Variants in FRMD3 observed in about 807,000 individuals in gnomAD.
FRMD3 encodes the protein FERM domain-containing protein 3.
Under a neutral mutation model 70.2 loss-of-function variants are expected in FRMD3, and 33 were observed. The ratio of observed to expected loss-of-function variants is 0.47; its 90% confidence interval spans 0.36 to 0.63. The LOEUF is 0.63. Among genes scored for constraint, FRMD3 ranks in the 20% least tolerant of loss-of-function variants. The probability of loss-of-function intolerance (pLI) is 0.00; values close to 1 mark genes in which losing one functional copy is unlikely to be tolerated. For missense variants in FRMD3, 632 were observed against 711.4 expected, an observed-to-expected ratio of 0.89 and a Z score of 1.27; for synonymous variants, 279 against 255.9, an observed-to-expected ratio of 1.09 and a Z score of -0.86.
chr9:83,349,833 C>G, intron 3 of FRMD3, 76 bp from the exon 4 acceptor site: 1 of 1,103,472 alleles, frequency 9.1e-7, no homozygotes, highest in South Asian at 1.3e-5. Context: ...GAAAGGCAGC[C>G]GTGCAGCCTG....
At chr9:83,551,465 G>T in the FRMD3 span, among the ~76,000 whole-genome samples, 2 of 152,178 alleles carry the variant, frequency 1.3e-5, no homozygotes, top group East Asian at 3.9e-4. Context: ...GCCAGGCTTT[G>T]ATATCAAAAT....
chr9:83,372,295 C>G (rs981556176), intron 3 of FRMD3, among the ~76,000 whole-genome samples: 1 of 150,768 alleles, frequency 6.6e-6, no homozygotes, highest in African/African-American at 2.4e-5. Context: ...AGGTGGATGA[C>G]CAGGGGGTGC....
intron 6 of FRMD3, among the ~76,000 whole-genome samples, chr9:83,321,658 T>C (rs1017890775): frequency 6.6e-6 from 1 of 152,234 alleles, no homozygotes; most frequent in Non-Finnish European, 1.5e-5. Context: ...TTTCTGTAGC[T>C]ATTGGGTAGA....
At chr9:83,267,115 G>T in intron 13 of FRMD3, 1 of 1,550,716 alleles carries the variant, frequency 6.4e-7, no homozygotes, top group Admixed American at 2.0e-5. Flanking sequence ...GTCGAGTCTG[G>T]ATCTTGACCA....
intron 13 of FRMD3, among the ~76,000 whole-genome samples, chr9:83,276,753 A>G (rs1363031382): frequency 6.6e-6 from 1 of 152,256 alleles, no homozygotes; most frequent in Non-Finnish European, 1.5e-5. Flanking sequence ...CTTGTTGCCC[A>G]GGCTACAGTG....
the FRMD3 span, among the ~76,000 whole-genome samples, chr9:83,584,816 A>C: frequency 1.3e-5 from 2 of 152,296 alleles, no homozygotes; most frequent in Admixed American, 6.5e-5. Flanking sequence ...TCTGTGCAAC[A>C]GCTGTCTGAT....
chr9:83,417,058 T>C (rs1260427200), intron 1 of FRMD3, among the ~76,000 whole-genome samples: 1 of 152,170 alleles, frequency 6.6e-6, no homozygotes. Context: ...AGTCCTGCCG[T>C]AGACCTTAAC....
chr9:83,448,535 C>G (rs1238246370), intron 1 of FRMD3, among the ~76,000 whole-genome samples: 1 of 152,154 alleles, frequency 6.6e-6, no homozygotes, highest in Non-Finnish European at 1.5e-5. Flanking sequence ...TTGCAGTCTT[C>G]CAGGGGTGGC....
At chr9:83,433,270 G>A (rs1257721250) in intron 1 of FRMD3, among the ~76,000 whole-genome samples, 1 of 152,180 alleles carries the variant, frequency 6.6e-6, no homozygotes, top group Non-Finnish European at 1.5e-5. Flanking sequence ...TATTAATAAA[G>A]AACATTGGTG....
At chr9:83,338,638 T>C (rs1042926164) in intron 5 of FRMD3, among the ~76,000 whole-genome samples, 5 of 152,176 alleles carry the variant, frequency 3.3e-5, no homozygotes, top group Admixed American at 6.5e-5. Flanking sequence ...ATGAGTTCTA[T>C]AGCATCATTT....
chr9:83,463,174 A>G (rs1261149772), intron 1 of FRMD3, among the ~76,000 whole-genome samples: 2 of 152,204 alleles, frequency 1.3e-5, no homozygotes, highest in Non-Finnish European at 2.9e-5. Context: ...GGATTTTTCT[A>G]TCTTGCTCAA....
chr9:83,577,913 A>G, the FRMD3 span, among the ~76,000 whole-genome samples: 3 of 151,930 alleles, frequency 2.0e-5, no homozygotes, highest in Non-Finnish European at 4.4e-5. Context: ...TTTAAAAGAT[A>G]AAATTGACAA....
At chr9:83,365,095 G>A (rs545042292) in intron 3 of FRMD3, among the ~76,000 whole-genome samples, 2 of 152,226 alleles carry the variant, frequency 1.3e-5, no homozygotes, top group East Asian at 3.9e-4. Flanking sequence ...AACAGAACAA[G>A]GACCCACCAG....
chr9:83,317,189 T>C (rs1835616493), intron 6 of FRMD3, among the ~76,000 whole-genome samples: 1 of 120,724 alleles, frequency 8.3e-6, no homozygotes, highest in Admixed American at 8.8e-5. Flanking sequence ...CCGTCTCTCA[T>C]GCATACACAC....
chr9:83,369,945 A>AT (rs776667912), intron 3 of FRMD3, among the ~76,000 whole-genome samples: 7 of 151,692 alleles, frequency 4.6e-5, no homozygotes, highest in South Asian at 4.2e-4. Context: ...CACAAACATG[A>AT]TTTTTTTTTA....
At chr9:83,295,630 C>T (rs1834628570) in intron 12 of FRMD3, among the ~76,000 whole-genome samples, 2 of 152,184 alleles carry the variant, frequency 1.3e-5, no homozygotes, top group African/African-American at 2.4e-5. Context: ...TACCCAAGGC[C>T]ATACAGTTGG....
chr9:83,372,828 C>G, intron 3 of FRMD3, 85 bp downstream of exon 3: 2 of 1,225,138 alleles, frequency 1.6e-6, no homozygotes, highest in African/African-American at 3.0e-5. Flanking sequence ...CTCTATTATT[C>G]CCCTGGCAGG....
At chr9:83,372,068 G>A (rs918515449) in intron 3 of FRMD3, among the ~76,000 whole-genome samples, 46 of 152,130 alleles carry the variant, frequency 3.0e-4, no homozygotes, top group Non-Finnish European at 3.2e-4. Context: ...AATCTCTGAC[G>A]AGAAACTGAT....
intron 2 of FRMD3, among the ~76,000 whole-genome samples, chr9:83,387,409 C>T (rs1405713862): frequency 6.6e-6 from 1 of 152,000 alleles, no homozygotes; most frequent in Non-Finnish European, 1.5e-5. Flanking sequence ...AGCCACTGAC[C>T]CTCTCTGGGC....
Sources: gnomAD v4.1 joint callset for allele counts (sites outside exome capture counted in the v4.1 genomes callset) on GRCh38, gnomAD v4.1.1 for gene constraint, MANE v1.5 for transcripts, NCBI Gene and HGNC (gene_info 2026-07-23, HGNC 2026-07-21) for gene names.